Variants in CACHD1 observed in about 807,000 individuals in gnomAD.
CACHD1 encodes VWFA and cache domain-containing protein 1.
A neutral mutation model predicts 138.7 loss-of-function variants in CACHD1; 71 were observed. The observed-to-expected ratio is 0.51, with a 90% CI of 0.42 to 0.62. The LOEUF is 0.62. Ranked by LOEUF, CACHD1 falls within the 20% of genes least tolerant of loss-of-function variation. The pLI, the probability that CACHD1 is intolerant of heterozygous loss-of-function variation, is 0.00. For missense variants in CACHD1, 1,389 were observed against 1,625.3 expected (o/e 0.85, Z 2.50); for synonymous variants, 578 against 591.5 (o/e 0.98, Z 0.33).
chr1:64,581,719 GTTA>G (rs1266623817), intron 2 of CACHD1, among the ~76,000 whole-genome samples: 1 of 152,084 alleles, frequency 6.6e-6, no homozygotes, highest in East Asian at 1.9e-4. Context: ...CTTTCCTTCT[GTTA>G]TTATCCCCCT....
chr1:64,643,731 G>A (rs1193513303), intron 8 of CACHD1, among the ~76,000 whole-genome samples: 8 of 152,152 alleles, frequency 5.3e-5, no homozygotes, highest in South Asian at 2.1e-4. Context: ...CCAGCTACTC[G>A]GGAAGCTGAG....
chr1:64,555,177 C>T (rs963072957), intron 2 of CACHD1, among the ~76,000 whole-genome samples: 3 of 151,666 alleles, frequency 2.0e-5, no homozygotes, highest in African/African-American at 7.3e-5. Flanking sequence ...TTTGTGGAGA[C>T]AGGGTTTCTC....
intron 2 of CACHD1, among the ~76,000 whole-genome samples, chr1:64,569,197 A>G (rs1377828109): frequency 6.6e-6 from 1 of 152,234 alleles, no homozygotes; most frequent in Non-Finnish European, 1.5e-5. Context: ...CTGGGATTAC[A>G]GGCATGAGCC....
chr1:64,674,455 G>C (rs1029745710), intron 19 of CACHD1, among the ~76,000 whole-genome samples: 2 of 152,204 alleles, frequency 1.3e-5, no homozygotes, highest in African/African-American at 4.8e-5. Context: ...TACTCAGGTA[G>C]ATACTTCTCA....
At chr1:64,505,971 C>T (rs996476547) in intron 1 of CACHD1, 2 of 151,552 alleles carry the variant, frequency 1.3e-5, no homozygotes, top group African/African-American at 4.9e-5. Flanking sequence ...TCCTCTTGCC[C>T]TGCAAACCCC....
intron 4 of CACHD1, among the ~76,000 whole-genome samples, chr1:64,606,396 T>A (rs1197402304): frequency 2.0e-5 from 3 of 152,146 alleles, no homozygotes; most frequent in Admixed American, 2.0e-4. Context: ...ATTGAGTGAC[T>A]GTTTGGTGTG....
In CACHD1 at chr1:64,673,350, G is replaced by A; in HGVS notation, c.2613G>A (p.Glu871=). Residue 871 remains glutamate, a splice_region_variant and synonymous_variant, in exon 19 of 27, where the codon GAG becomes GAA. Transcript: ENST00000651257. ...PVEQQHITHK[E]PLVANDILNH... is the part of the protein sequence containing the mutation. ...TCTGTTCTCTTTGGCCTTGGTAGGA[G>A]CCCCTGGTAGCAAATGATATCCTCA... The A allele has an allele frequency of 1.2e-6, 2 of 1,613,982 alleles. No homozygotes were observed. The highest frequency in any genetic ancestry group is 2.2e-5 in the South Asian group (2 of 91,072).
chr1:64,483,652 T>G (rs1046971368), intron 1 of CACHD1, among the ~76,000 whole-genome samples: 1 of 126,446 alleles, frequency 7.9e-6, no homozygotes, highest in African/African-American at 3.1e-5. Context: ...AAGACCAGTG[T>G]AGGCAACATG....
At chr1:64,536,100 TAGTA>T (rs1646631010) in intron 1 of CACHD1, among the ~76,000 whole-genome samples, 1 of 152,214 alleles carries the variant, frequency 6.6e-6, no homozygotes, top group Non-Finnish European at 1.5e-5. Flanking sequence ...CAGTGGTTTT[TAGTA>T]AGTTTCTAGT....
intron 14 of CACHD1, 60 bp from the exon 15 acceptor site, chr1:64,664,438 C>A: frequency 6.6e-7 from 1 of 1,508,882 alleles, no homozygotes; most frequent in Non-Finnish European, 9.1e-7. Context: ...CTGCCAGCAG[C>A]CCACTCTCTT....
At chr1:64,687,469 A>G (rs983609322) in intron 26 of CACHD1, among the ~76,000 whole-genome samples, 4 of 152,192 alleles carry the variant, frequency 2.6e-5, no homozygotes, top group Non-Finnish European at 5.9e-5. Flanking sequence ...TTTACTCTGA[A>G]AGCACCTCTG....
rs115698409 is a variant in CACHD1 at position 64,508,330 on chromosome 1, C to G, written c.198+37388C>G. On this transcript the variant is annotated intron_variant, in intron 1 of 26. Transcript: ENST00000651257. The stretch of plus-strand genomic sequence containing the variant: ...TCTTGATGTGTTTTTATAGGAATTA[C>G]ATGAGAATGCCTGGAGAGGTATTCT... Among the ~76,000 whole-genome samples the G allele has an allele frequency of 8.9e-3, 1,350 of 152,292 alleles. 12 individuals are homozygous for G. Among genetic ancestry groups the G allele is most frequent in the Admixed American group, 0.016 (240 of 15,286 alleles).
chr1:64,648,386 C>G (rs1648981806), intron 9 of CACHD1, among the ~76,000 whole-genome samples: 1 of 152,120 alleles, frequency 6.6e-6, no homozygotes, highest in East Asian at 1.9e-4. Context: ...CAAACATGGG[C>G]CTGGCCTCAG....
At chr1:64,652,368 G>T (rs1308297550) in intron 10 of CACHD1, 58 bp downstream of exon 10, 1 of 1,436,486 alleles carries the variant, frequency 7.0e-7, no homozygotes, top group Non-Finnish European at 9.4e-7. Context: ...AGAAAATAAG[G>T]TATAGATATT....
chr1:64,628,100 T>C (rs532425832), intron 4 of CACHD1, among the ~76,000 whole-genome samples: 282 of 152,348 alleles, frequency 1.9e-3, no homozygotes, highest in Non-Finnish European at 3.5e-3. Flanking sequence ...AAATATCCTG[T>C]GTGAAAGCTC....
intron 1 of CACHD1, among the ~76,000 whole-genome samples, chr1:64,507,468 A>G (rs1646386442): frequency 1.3e-5 from 2 of 152,118 alleles, no homozygotes; most frequent in African/African-American, 4.8e-5. Flanking sequence ...GATGTTTTTT[A>G]CTTGTGTTGA....
At chr1:64,642,482 A>T (rs1371713532) in intron 8 of CACHD1, among the ~76,000 whole-genome samples, 1 of 152,164 alleles carries the variant, frequency 6.6e-6, no homozygotes, top group Non-Finnish European at 1.5e-5. Flanking sequence ...TGTTGTGAGG[A>T]TTAGCCTTAA....
intron 1 of CACHD1, among the ~76,000 whole-genome samples, chr1:64,537,931 T>C (rs1646646636): frequency 1.3e-5 from 2 of 152,324 alleles, no homozygotes; most frequent in African/African-American, 4.8e-5. Context: ...TTATGTTTCC[T>C]TTATTTTTAA....
intron 1 of CACHD1, among the ~76,000 whole-genome samples, chr1:64,477,295 C>T: frequency 6.6e-6 from 1 of 152,134 alleles, no homozygotes; most frequent in East Asian, 1.9e-4. Context: ...AATTTGTAGA[C>T]CTGCAGATTT....
Sources: gnomAD v4.1 joint callset for allele counts (sites outside exome capture counted in the v4.1 genomes callset) on GRCh38, gnomAD v4.1.1 for gene constraint, MANE v1.5 for transcripts, NCBI Gene and HGNC (gene_info 2026-07-23, HGNC 2026-07-21) for gene names.